Variants in LSAMP observed in about 807,000 individuals in gnomAD.
LSAMP encodes the protein limbic system associated membrane protein, also known as limbic system-associated membrane protein.
A neutral mutation model predicts 38.6 loss-of-function variants in LSAMP; 7 were observed. That is an observed-to-expected ratio of 0.18 (90% CI 0.10 to 0.34). LSAMP has a LOEUF of 0.34. Among genes scored for constraint, LSAMP ranks in the 10% least tolerant of loss-of-function variants. LSAMP has a pLI of 1.00. For missense variants in LSAMP, 313 were observed against 420.0 expected (o/e 0.75, Z 2.23); for synonymous variants, 154 against 166.8 (o/e 0.92, Z 0.59).
Position 116,281,619 on chromosome 3 carries a change from AAAT to A in LSAMP, c.155+163255_155+163257del, listed in dbSNP as rs2047127156. On this transcript the variant is annotated intron_variant, in intron 1 of 6. Transcript: ENST00000490035. ...GCATGTTGTAATATAGAAGATACAC[AAAT>A]AATAAAATGCTATTACTATTATTAC... 5.3e-5 allele frequency among the ~76,000 whole-genome samples: 8 copies of A among 152,350 alleles called. No homozygotes were observed. The South Asian group carries it at 1.7e-3, about 32-fold the overall frequency.
chr3:116,189,988 T>C (rs1710714892), intron 1 of LSAMP, among the ~76,000 whole-genome samples: 1 of 152,088 alleles, frequency 6.6e-6, no homozygotes, highest in Admixed American at 6.5e-5. Context: ...ATGTTGTATA[T>C]GGTAAATATG....
intron 1 of LSAMP, among the ~76,000 whole-genome samples, chr3:116,343,270 C>T (rs896277418): frequency 2.6e-5 from 4 of 152,030 alleles, no homozygotes; most frequent in African/African-American, 9.7e-5. Flanking sequence ...CACAGTGAAA[C>T]ATGGGTCACT....
At chr3:116,420,845 C>G (rs577126850) in intron 1 of LSAMP, among the ~76,000 whole-genome samples, 4 of 152,162 alleles carry the variant, frequency 2.6e-5, no homozygotes, top group East Asian at 1.9e-4. Context: ...CCACTGCACT[C>G]TAGCATGGGT....
At chr3:116,324,599 A>C (rs2047745672) in intron 1 of LSAMP, among the ~76,000 whole-genome samples, 1 of 152,154 alleles carries the variant, frequency 6.6e-6, no homozygotes. Context: ...CTGAATCACA[A>C]CATAAGGCTT....
intron 1 of LSAMP, among the ~76,000 whole-genome samples, chr3:116,392,234 G>A (rs1006550242): frequency 2.0e-5 from 3 of 152,168 alleles, no homozygotes; most frequent in African/African-American, 7.2e-5. Flanking sequence ...AACTCTCCAG[G>A]TGCAGCTACA....
intron 1 of LSAMP, among the ~76,000 whole-genome samples, chr3:116,156,752 GA>G (rs1281675043): frequency 6.6e-6 from 1 of 152,088 alleles, no homozygotes; most frequent in Non-Finnish European, 1.5e-5. Context: ...TACCTGAAAT[GA>G]AATGGTTTAC....
intron 2 of LSAMP, among the ~76,000 whole-genome samples, chr3:116,020,021 T>A (rs1940594477): frequency 6.6e-6 from 1 of 152,146 alleles, no homozygotes; most frequent in Non-Finnish European, 1.5e-5. Flanking sequence ...TATAAATAAA[T>A]ATAATCCAAT....
chr3:116,300,752 T>C (rs899362424), intron 1 of LSAMP, among the ~76,000 whole-genome samples: 1 of 152,276 alleles, frequency 6.6e-6, no homozygotes, highest in South Asian at 2.1e-4. Flanking sequence ...TCGCCTTCTA[T>C]GAAACCAGCC....
At chr3:116,029,014 A>C (rs1305850059) in intron 2 of LSAMP, among the ~76,000 whole-genome samples, 1 of 152,146 alleles carries the variant, frequency 6.6e-6, no homozygotes, top group African/African-American at 2.4e-5. Context: ...ATTTTCACCA[A>C]ATTTTTTAGA....
chr3:115,808,083 C>CTCCTTCCTTCCTTCCTTCCTTCCTTCCT lies in LSAMP; in HGVS notation c.*2206_*2233dup, dbSNP rs1170641773. The CTCCTTCCTTCCTTCCTTCCTTCCTTCCT allele has an allele frequency of 1.8e-3, 199 of 112,416 alleles. 20 individuals carry two copies. Among genetic ancestry groups the CTCCTTCCTTCCTTCCTTCCTTCCTTCCT allele is most frequent in the African/African-American group, 7.0e-3 (182 of 26,086 alleles). The allele number at this position is 112,416 out of a possible 1,614,324, so 7.0% of individuals were successfully genotyped here. On this transcript the variant is annotated 3_prime_UTR_variant, in exon 7 of 7. Transcript: ENST00000490035. The stretch of plus-strand genomic sequence containing the variant: ...TCTCCCTCCTGCCTTCCTTTCCTTT[C>CTCCTTCCTTCCTTCCTTCCTTCCTTCCT]TCCTTCCTTCCTTCCTTCCTTCCTT...
At chr3:115,916,507 G>C (rs1480283631) in intron 3 of LSAMP, among the ~76,000 whole-genome samples, 4 of 152,086 alleles carry the variant, frequency 2.6e-5, no homozygotes, top group African/African-American at 9.7e-5. Context: ...TGATATATAG[G>C]TATATCACAT....
At chr3:116,048,613 C>G (rs922494663) in intron 2 of LSAMP, among the ~76,000 whole-genome samples, 1 of 152,194 alleles carries the variant, frequency 6.6e-6, no homozygotes, top group African/African-American at 2.4e-5. Context: ...TTTGCATTCA[C>G]ACTACCCTAA....
intron 1 of LSAMP, among the ~76,000 whole-genome samples, chr3:116,273,822 T>C (rs2047012090): frequency 6.7e-6 from 1 of 150,116 alleles, no homozygotes; most frequent in South Asian, 2.1e-4. Flanking sequence ...TTTCTCTCTC[T>C]CTCTCTCTCT....
chr3:116,313,129 C>T (rs1346990563), intron 1 of LSAMP, among the ~76,000 whole-genome samples: 1 of 152,162 alleles, frequency 6.6e-6, no homozygotes, highest in Non-Finnish European at 1.5e-5. Context: ...TCTTAAACCT[C>T]TTGCTTTGCT....
chr3:116,284,161 G>A lies in LSAMP; in HGVS notation c.155+160716C>T, dbSNP rs924454353. On this transcript the variant is annotated intron_variant, in intron 1 of 6. Coordinates refer to ENST00000490035, the MANE Select transcript of LSAMP (RefSeq NM_002338.5). ...GACTTCTAAAATTGAAGATGGTAAAGGTGATTAGGAGGCTGATGATTTTAG... is the reference window on the plus strand; with the variant it reads ...GACTTCTAAAATTGAAGATGGTAAAAGTGATTAGGAGGCTGATGATTTTAG... Among the ~76,000 whole-genome samples, 3 of 152,138 alleles carry A rather than the reference G, an allele frequency of 2.0e-5. No homozygotes were observed. The East Asian group carries it at 5.8e-4, about 29-fold the overall frequency.
At chr3:116,061,211 A>C (rs1411965873) in intron 2 of LSAMP, among the ~76,000 whole-genome samples, 1 of 152,220 alleles carries the variant, frequency 6.6e-6, no homozygotes, top group Non-Finnish European at 1.5e-5. Context: ...ATAGCTAGTC[A>C]TTAGCAGAGT....
chr3:116,068,251 C>T (rs59700272), intron 2 of LSAMP, among the ~76,000 whole-genome samples: 9,499 of 152,116 alleles, frequency 0.062, 960 homozygotes, highest in African/African-American at 0.21. Context: ...AATCCCATTT[C>T]CCCCCTCTAT....
chr3:115,921,918 A>G (rs1937391786), intron 3 of LSAMP, among the ~76,000 whole-genome samples: 1 of 152,204 alleles, frequency 6.6e-6, no homozygotes, highest in African/African-American at 2.4e-5. Context: ...GAAATCTGCT[A>G]ATAATCTTAT....
chr3:116,172,568 G>A (rs1169267911), intron 1 of LSAMP, among the ~76,000 whole-genome samples: 1 of 151,998 alleles, frequency 6.6e-6, no homozygotes, highest in Non-Finnish European at 1.5e-5. Flanking sequence ...CTAGATTTAA[G>A]AGCATTTGAA....
Sources: gnomAD v4.1 joint callset for allele counts (sites outside exome capture counted in the v4.1 genomes callset) on GRCh38, gnomAD v4.1.1 for gene constraint, MANE v1.5 for transcripts, NCBI Gene and HGNC (gene_info 2026-07-23, HGNC 2026-07-21) for gene names.